Variants in SLC24A2 observed in about 807,000 individuals in gnomAD.
SLC24A2 encodes sodium/potassium/calcium exchanger 2.
Under a neutral mutation model 62.0 loss-of-function variants are expected in SLC24A2, and 36 were observed. The ratio of observed to expected loss-of-function variants is 0.58; its 90% CI spans 0.44 to 0.77. The LOEUF (loss-of-function observed/expected upper bound fraction) is 0.77, where lower values mean the gene tolerates loss of function less well. Ranked by LOEUF, SLC24A2 falls within the 30% of genes least tolerant of loss-of-function variation. The pLI, the probability that SLC24A2 is intolerant of heterozygous loss-of-function variation, is 0.00. For synonymous variants in SLC24A2, 358 were observed against 294.0 expected, an observed-to-expected ratio of 1.22 and a Z score of -2.23; for missense variants, 846 against 817.9, an observed-to-expected ratio of 1.03 and a Z score of -0.42.
chr9:20,104,413 T>G, the SLC24A2 span, among the ~76,000 whole-genome samples: 4 of 151,992 alleles, frequency 2.6e-5, no homozygotes, highest in South Asian at 2.1e-4. Context: ...TCACCAAAGT[T>G]GAAATGAAGG....
intron 7 of SLC24A2, among the ~76,000 whole-genome samples, chr9:19,554,009 T>C (rs1414977924): frequency 2.0e-5 from 3 of 152,106 alleles, no homozygotes. Context: ...TACCTCAGAA[T>C]GTGACTTATT....
At chr9:19,923,041 A>T in the SLC24A2 span, among the ~76,000 whole-genome samples, 1,807 of 150,626 alleles carry the variant, frequency 0.012, 29 homozygotes, top group African/African-American at 0.042. Flanking sequence ...CCAGTTTTTT[A>T]AAAAAAATGT....
chr9:20,265,211 G>A, the SLC24A2 span, among the ~76,000 whole-genome samples: 24,035 of 152,160 alleles, frequency 0.16, 2,017 homozygotes, highest in Middle Eastern at 0.19. Context: ...CAGAGCAGCC[G>A]GCAGTGGGTG....
At chr9:19,994,429 T>C in the SLC24A2 span, among the ~76,000 whole-genome samples, 1 of 152,146 alleles carries the variant, frequency 6.6e-6, no homozygotes, top group South Asian at 2.1e-4. Context: ...TCATACAAAT[T>C]CCTGACTAGA....
rs563812668 is a variant in SLC24A2, at chr9:19,580,274, G to A, written c.1130-3252C>T. 6.6e-5 allele frequency among the ~76,000 whole-genome samples: 10 copies of A among 152,344 alleles called. No individual in the cohort carries two copies. In the East Asian group the frequency reaches 1.7e-3, roughly 26 times the overall value. On this transcript the variant is annotated intron_variant, in intron 5 of 10. Coordinates refer to ENST00000341998, the MANE Select transcript of SLC24A2 (RefSeq NM_020344.4). ...CACATCCTAAGCGCTGACAATGGCTGCGCCATAGGCTAGAAGGATTTTCCG... is the reference window on the plus strand; with the variant it reads ...CACATCCTAAGCGCTGACAATGGCTACGCCATAGGCTAGAAGGATTTTCCG...
At chr9:19,588,178 CTTTTTTTT>C (rs3085622) in intron 5 of SLC24A2, among the ~76,000 whole-genome samples, 1 of 121,700 alleles carries the variant, frequency 8.2e-6, no homozygotes, top group Non-Finnish European at 1.8e-5. Context: ...TTCTTTTTTT[CTTTTTTTT>C]TTTTTTTTCT....
chr9:20,076,853 T>C, the SLC24A2 span, among the ~76,000 whole-genome samples: 2 of 36,466 alleles, frequency 5.5e-5, no homozygotes, highest in African/African-American at 2.3e-4. Context: ...TATATATACA[T>C]ATCATATGTA....
intron 7 of SLC24A2, among the ~76,000 whole-genome samples, chr9:19,569,771 C>T (rs1357485603): frequency 1.3e-5 from 2 of 152,134 alleles, no homozygotes; most frequent in Non-Finnish European, 2.9e-5. Context: ...TCTGCTTGGC[C>T]CTCCTCTCTG....
At chr9:19,687,341 C>A (rs1819912990) in intron 2 of SLC24A2, among the ~76,000 whole-genome samples, 2 of 152,070 alleles carry the variant, frequency 1.3e-5, no homozygotes, top group Admixed American at 1.3e-4. Context: ...TATAAAATGG[C>A]ATGTTACTCA....
chr9:20,074,614 T>TGAGG, the SLC24A2 span, among the ~76,000 whole-genome samples: 19 of 43,930 alleles, frequency 4.3e-4, no homozygotes, highest in South Asian at 1.3e-3. Context: ...AAGAAGGGAG[T>TGAGG]GAGGGAGGGA....
chr9:19,844,966 T>TTC, the SLC24A2 span, among the ~76,000 whole-genome samples: 1 of 151,538 alleles, frequency 6.6e-6, no homozygotes, highest in African/African-American at 2.4e-5. Context: ...TGGCTTTTTT[T>TTC]TTTTTCCTGA....
At chr9:19,581,919 TG>T (rs1447431819) in intron 5 of SLC24A2, among the ~76,000 whole-genome samples, 1 of 152,224 alleles carries the variant, frequency 6.6e-6, no homozygotes, top group Non-Finnish European at 1.5e-5. Context: ...TGGTCTCTTG[TG>T]GTCTAAACCC....
At chr9:19,897,344 T>C in the SLC24A2 span, among the ~76,000 whole-genome samples, 4 of 152,190 alleles carry the variant, frequency 2.6e-5, no homozygotes, top group Admixed American at 2.0e-4. Context: ...AATTTTTATC[T>C]TCCCAAAACT....
At chr9:19,526,062 A>T (rs889102186) in intron 9 of SLC24A2, among the ~76,000 whole-genome samples, 2 of 152,146 alleles carry the variant, frequency 1.3e-5, no homozygotes, top group African/African-American at 4.8e-5. Context: ...ATGTCTCTAT[A>T]GATTTGCCTG....
At chr9:19,526,622 T>G (rs1224705706) in intron 9 of SLC24A2, among the ~76,000 whole-genome samples, 2 of 152,206 alleles carry the variant, frequency 1.3e-5, no homozygotes. Flanking sequence ...CATATTTTCT[T>G]GTGCTTTTTA....
the SLC24A2 span, among the ~76,000 whole-genome samples, chr9:20,076,639 C>A: frequency 9.9e-5 from 15 of 152,096 alleles, no homozygotes; most frequent in African/African-American, 3.1e-4. Context: ...TGCTTTGTGA[C>A]ACTTTGTTGT....
At chr9:20,090,537 G>A in the SLC24A2 span, among the ~76,000 whole-genome samples, 403 of 152,218 alleles carry the variant, frequency 2.6e-3, 2 homozygotes, top group African/African-American at 9.3e-3. Flanking sequence ...GACCACTATA[G>A]CTAAGCATCA....
At chr9:20,254,461 A>G in the SLC24A2 span, among the ~76,000 whole-genome samples, 1 of 152,216 alleles carries the variant, frequency 6.6e-6, no homozygotes, top group Non-Finnish European at 1.5e-5. Flanking sequence ...CATGCCAGGC[A>G]CTGTGTGGGG....
At chr9:19,751,362 T>C (rs572143344) in intron 2 of SLC24A2, among the ~76,000 whole-genome samples, 2 of 152,248 alleles carry the variant, frequency 1.3e-5, no homozygotes, top group Non-Finnish European at 2.9e-5. Flanking sequence ...AGTAAACCGG[T>C]GGTTTCCAAA....
Sources: allele counts gnomAD v4.1 joint callset (sites outside exome capture counted in the v4.1 genomes callset), GRCh38; gene constraint gnomAD v4.1.1; transcripts MANE v1.5; gene names NCBI Gene and HGNC (gene_info 2026-07-23, HGNC 2026-07-21).